ENTREP1: variants seen among roughly 807,000 people sequenced by gnomAD.
The protein encoded by ENTREP1 is Friedreich ataxia region gene X123.
the ENTREP1 span, chr9:69,329,516 G>A: frequency 4.1e-6 from 4 of 983,910 alleles, no homozygotes; most frequent in South Asian, 1.9e-4. Flanking sequence ...TTTTTTCATA[G>A]TTTTCATTCA....
chr9:69,334,775 CTTTT>C, the ENTREP1 span, among the ~76,000 whole-genome samples: 4,652 of 130,588 alleles, frequency 0.036, 186 homozygotes, highest in African/African-American at 0.12. Flanking sequence ...CTTTCCTTTT[CTTTT>C]TTTTTTTTTT....
At chr9:69,331,623 A>G in the ENTREP1 span, among the ~76,000 whole-genome samples, 1 of 152,210 alleles carries the variant, frequency 6.6e-6, no homozygotes, top group South Asian at 2.1e-4. Context: ...AAGAATGCTG[A>G]TGGAGTTGCT....
the ENTREP1 span, among the ~76,000 whole-genome samples, chr9:69,345,180 G>A: frequency 9.2e-5 from 14 of 152,110 alleles, no homozygotes; most frequent in Admixed American, 7.9e-4. Context: ...AGGCTGGGTC[G>A]GGGTGTCAGG....
At chr9:69,352,763 A>G in the ENTREP1 span, among the ~76,000 whole-genome samples, 1 of 152,162 alleles carries the variant, frequency 6.6e-6, no homozygotes, top group African/African-American at 2.4e-5. Context: ...TGTGCAGCTT[A>G]ATGGACCATA....
At chr9:69,384,851 T>C in the ENTREP1 span, among the ~76,000 whole-genome samples, 1 of 5,214 alleles carries the variant, frequency 1.9e-4, no homozygotes, top group African/African-American at 1.1e-3. Flanking sequence ...CTAAGTAGAA[T>C]TAATTATGAA....
the ENTREP1 span, among the ~76,000 whole-genome samples, chr9:69,350,290 A>G: frequency 2.0e-5 from 3 of 151,956 alleles, no homozygotes; most frequent in Non-Finnish European, 4.4e-5. Flanking sequence ...ATTCTTTTGC[A>G]TGTGGATATA....
the ENTREP1 span, among the ~76,000 whole-genome samples, chr9:69,372,751 T>C: frequency 6.6e-6 from 1 of 152,156 alleles, no homozygotes; most frequent in African/African-American, 2.4e-5. Flanking sequence ...GGAAACTTTG[T>C]ATGGTTTTTC....
At chr9:69,362,897 G>A in the ENTREP1 span, among the ~76,000 whole-genome samples, 1 of 152,188 alleles carries the variant, frequency 6.6e-6, no homozygotes, top group Non-Finnish European at 1.5e-5. Context: ...TTGGGGCTCA[G>A]ACCGGCTTCC....
chr9:69,325,682 C>T, the ENTREP1 span: 1 of 1,231,368 alleles, frequency 8.1e-7, no homozygotes, highest in African/African-American at 1.5e-5. Context: ...GAGCAGCTCC[C>T]CGCAGGTGAA....
chr9:69,386,148 G>GT, the ENTREP1 span: 1,287 of 422,722 alleles, frequency 3.0e-3, 11 homozygotes, highest in African/African-American at 0.021. Flanking sequence ...GGATGGTAGG[G>GT]TTTTTTTGTT....
the ENTREP1 span, chr9:69,325,249 G>A: frequency 1.8e-6 from 2 of 1,095,786 alleles, no homozygotes; most frequent in Non-Finnish European, 2.2e-6. Context: ...GCTCGGCTCC[G>A]CTCCGCGTCC....
chr9:69,348,696 C>T, the ENTREP1 span, among the ~76,000 whole-genome samples: 2 of 152,176 alleles, frequency 1.3e-5, no homozygotes, highest in Non-Finnish European at 1.5e-5. Flanking sequence ...TGGAATCATA[C>T]AGTATGTGAT....
At chr9:69,334,713 A>G in the ENTREP1 span, among the ~76,000 whole-genome samples, 1 of 152,068 alleles carries the variant, frequency 6.6e-6, no homozygotes, top group Admixed American at 6.6e-5. Flanking sequence ...GTGTTATCCA[A>G]AGGGCTGACC....
chr9:69,379,152 TAG>T, the ENTREP1 span, among the ~76,000 whole-genome samples: 4 of 152,358 alleles, frequency 2.6e-5, no homozygotes, highest in Middle Eastern at 6.8e-3. Context: ...GTAGTACATG[TAG>T]AGACTTATCA....
the ENTREP1 span, among the ~76,000 whole-genome samples, chr9:69,389,340 A>C: frequency 6.6e-6 from 1 of 152,190 alleles, no homozygotes; most frequent in African/African-American, 2.4e-5. Flanking sequence ...GTAAATTTTC[A>C]ATTCAAATTG....
the ENTREP1 span, among the ~76,000 whole-genome samples, chr9:69,340,040 A>C: frequency 6.6e-6 from 1 of 152,168 alleles, no homozygotes; most frequent in Non-Finnish European, 1.5e-5. Flanking sequence ...AATACACATT[A>C]GTTGTTGACT....
At chr9:69,387,755 A>T in the ENTREP1 span, 2 of 466,866 alleles carry the variant, frequency 4.3e-6, no homozygotes, top group Middle Eastern at 8.2e-4. Flanking sequence ...TTCCTCTCTT[A>T]ATTGACTACT....
At chr9:69,339,511 G>GA in the ENTREP1 span, among the ~76,000 whole-genome samples, 1 of 152,152 alleles carries the variant, frequency 6.6e-6, no homozygotes, top group East Asian at 1.9e-4. Context: ...GATACCAAGG[G>GA]AAGCTCTACC....
chr9:69,332,703 G>A, the ENTREP1 span, among the ~76,000 whole-genome samples: 1 of 152,078 alleles, frequency 6.6e-6, no homozygotes, highest in Admixed American at 6.5e-5. Context: ...TAGTTCTTTG[G>A]TTTCAGAGAC....
Sources: allele counts gnomAD v4.1 joint callset (sites outside exome capture counted in the v4.1 genomes callset), GRCh38; gene constraint gnomAD v4.1.1; transcripts MANE v1.5; gene names NCBI Gene and HGNC (gene_info 2026-07-23, HGNC 2026-07-21).